FAM169A: variants seen among roughly 807,000 people sequenced by gnomAD.
FAM169A encodes the protein family with sequence similarity 169 member A, also known as soluble lamin-associated protein of 75 kDa.
In FAM169A, 24 loss-of-function variants were observed where a neutral mutation model predicts 75.7. That is an observed-to-expected ratio of 0.32 (90% confidence interval 0.23 to 0.45). The LOEUF is 0.45. Among genes scored for constraint, FAM169A ranks in the 20% least tolerant of loss-of-function variants. The pLI is 1.00. For synonymous variants in FAM169A, 271 were observed against 271.0 expected (o/e 1.00, Z 0.00); for missense variants, 673 against 784.0 (o/e 0.86, Z 1.69).
chr5:74,866,953 T>C, upstream of FAM169A: 1 of 985,422 alleles, frequency 1.0e-6, no homozygotes, highest in Middle Eastern at 5.2e-4. Flanking sequence ...AATCGTGGGC[T>C]GCTTTCACAG....
chr5:74,860,400 A>T (rs1229972049), intron 1 of FAM169A, among the ~76,000 whole-genome samples: 2 of 152,188 alleles, frequency 1.3e-5, no homozygotes, highest in Admixed American at 6.5e-5. Flanking sequence ...TGAATTACTA[A>T]ATTGGCTTCT....
chr5:74,856,619 T>A (rs1749719309), intron 1 of FAM169A, among the ~76,000 whole-genome samples: 1 of 151,926 alleles, frequency 6.6e-6, no homozygotes. Context: ...TTTTTAATCA[T>A]CCATTGCTGA....
rs770317810 is a variant in FAM169A, at chr5:74,834,578, C to G, written c.338G>C (p.Arg113Thr). Residue 113 changes from arginine to threonine, a missense_variant, in exon 5 of 13, where the codon AGA (arginine) becomes ACA (threonine). Arg to Thr is a moderately conservative substitution (Grantham distance 71). Coordinates refer to ENST00000687041, the MANE Select transcript of FAM169A (RefSeq NM_001376049.1). Reference protein sequence around the residue: ...GLKQVSTLGERVVLYVLNRII... With the variant: ...GLKQVSTLGETVVLYVLNRII... ...TCGATTCAGAACATACAGAACCACT[C>G]TCTCCCCAAGAGTGCTCACCTACAA... 1 of 1,585,654 alleles carries G rather than the reference C, an allele frequency of 6.3e-7. No homozygotes were observed. Among genetic ancestry groups the G allele is most frequent in the Non-Finnish European group, 8.6e-7 (1 of 1,168,996 alleles).
intron 11 of FAM169A, among the ~76,000 whole-genome samples, chr5:74,795,042 G>A (rs1476386111): frequency 6.6e-6 from 1 of 152,058 alleles, no homozygotes; most frequent in Non-Finnish European, 1.5e-5. Context: ...CACATCACCT[G>A]AGGTAAGGAG....
chr5:74,830,398 G>C (rs1748253796), intron 5 of FAM169A, among the ~76,000 whole-genome samples: 1 of 152,138 alleles, frequency 6.6e-6, no homozygotes, highest in Admixed American at 6.6e-5. Context: ...AACCAAACTT[G>C]ATAAGTAGAG....
chr5:74,865,228 T>C (rs905418398), intron 1 of FAM169A: 1 of 152,196 alleles, frequency 6.6e-6, no homozygotes, highest in African/African-American at 2.4e-5. Context: ...AAATGACAAA[T>C]TGTGTCACAG....
intron 5 of FAM169A, among the ~76,000 whole-genome samples, chr5:74,818,807 A>C (rs35812109): frequency 0.2 from 26,741 of 132,590 alleles, 2,794 homozygotes; most frequent in Non-Finnish European, 0.26. Context: ...CTCTCTCTAT[A>C]TATATATATA....
At chr5:74,839,100 T>C in intron 3 of FAM169A, 50 bp from the exon 4 acceptor site, 2 of 1,326,122 alleles carry the variant, frequency 1.5e-6, no homozygotes, top group South Asian at 2.3e-5. Flanking sequence ...AGTACACTTT[T>C]AGACTTAATA....
intron 10 of FAM169A, among the ~76,000 whole-genome samples, chr5:74,798,528 A>C (rs907947089): frequency 6.6e-6 from 1 of 152,208 alleles, no homozygotes; most frequent in Admixed American, 6.5e-5. Context: ...AAACATTTAC[A>C]TACTTTATTA....
chr5:74,797,038 T>C (rs1746314085), intron 10 of FAM169A, among the ~76,000 whole-genome samples: 1 of 152,170 alleles, frequency 6.6e-6, no homozygotes, highest in Non-Finnish European at 1.5e-5. Flanking sequence ...GTAGTACATC[T>C]TCATCAAGGC....
chr5:74,866,928 G>A (rs184968282), upstream of FAM169A: 1 of 985,516 alleles, frequency 1.0e-6, no homozygotes, highest in African/African-American at 1.7e-5. Context: ...TGCCACTTAG[G>A]TGCATGCAAG....
rs1004258726 is a variant in FAM169A at position 74,779,551 on chromosome 5, T to C, written c.*1909A>G. On this transcript the variant is annotated 3_prime_UTR_variant, in exon 13 of 13. Transcript: ENST00000687041. ...TAACAGAGTATTTCCCTTTGTGATATTGACAGAAGTTTCTCATAAAATGTA... is the reference window on the plus strand; with the variant it reads ...TAACAGAGTATTTCCCTTTGTGATACTGACAGAAGTTTCTCATAAAATGTA... The C allele has an allele frequency of 1.3e-4, 20 of 152,054 alleles. No homozygotes were observed. The highest frequency in any genetic ancestry group is 2.0e-4 in the Admixed American group (3 of 15,268). 9.4% of individuals were successfully genotyped at this position (152,054 alleles called of 1,614,324 possible).
At chr5:74,785,487 C>T (rs374767540) in intron 11 of FAM169A, among the ~76,000 whole-genome samples, 1 of 152,076 alleles carries the variant, frequency 6.6e-6, no homozygotes, top group Admixed American at 6.5e-5. Context: ...TCCAGCTAGG[C>T]GCCGTGGTTT....
chr5:74,839,292 G>A (rs1395795611), intron 3 of FAM169A, among the ~76,000 whole-genome samples: 1 of 152,008 alleles, frequency 6.6e-6, no homozygotes, highest in African/African-American at 2.4e-5. Context: ...ATTCCTACAT[G>A]TAGAGGGAGG....
chr5:74,805,600 G>A (rs1281657540), intron 6 of FAM169A, among the ~76,000 whole-genome samples: 8 of 138,920 alleles, frequency 5.8e-5, no homozygotes, highest in Non-Finnish European at 9.0e-5. Flanking sequence ...GCGCGATCTC[G>A]GCTCACTGCA....
chr5:74,823,213 C>T (rs1747851007), intron 5 of FAM169A, among the ~76,000 whole-genome samples: 1 of 152,208 alleles, frequency 6.6e-6, no homozygotes, highest in African/African-American at 2.4e-5. Flanking sequence ...GGACCTCCAT[C>T]TTCACTTCTC....
intron 5 of FAM169A, among the ~76,000 whole-genome samples, chr5:74,832,791 A>T (rs1433674870): frequency 6.6e-6 from 1 of 151,982 alleles, no homozygotes; most frequent in Non-Finnish European, 1.5e-5. Context: ...TTCCAGCCTG[A>T]ATTAAATGGC....
chr5:74,795,944 T>C, intron 11 of FAM169A, 86 bp downstream of exon 11: 1 of 1,381,364 alleles, frequency 7.2e-7, no homozygotes. Context: ...CTAAAATATA[T>C]CGCTATACTT....
intron 1 of FAM169A, among the ~76,000 whole-genome samples, chr5:74,858,303 G>T (rs562627894): frequency 6.6e-6 from 1 of 152,066 alleles, no homozygotes; most frequent in Non-Finnish European, 1.5e-5. Context: ...CAAGAGAATT[G>T]CTTGAAGCTG....
Sources: gnomAD v4.1 joint callset for allele counts (sites outside exome capture counted in the v4.1 genomes callset) on GRCh38, gnomAD v4.1.1 for gene constraint, MANE v1.5 for transcripts, NCBI Gene and HGNC (gene_info 2026-07-23, HGNC 2026-07-21) for gene names.